The following PTPRN2 variants were observed in gnomAD, a reference collection of about 807,000 sequenced individuals.
PTPRN2 encodes protein tyrosine phosphatase receptor type N2, also known as receptor-type tyrosine-protein phosphatase N2.
Under a neutral mutation model 118.8 loss-of-function variants are expected in PTPRN2, and 74 were observed. The observed-to-expected ratio is 0.62, with a 90% CI of 0.52 to 0.76. PTPRN2 has a LOEUF of 0.76. PTPRN2 is among the 30% of genes least tolerant of loss of function. PTPRN2 has a pLI of 0.00. For synonymous variants in PTPRN2, 641 were observed against 608.0 expected, an observed-to-expected ratio of 1.05 and a Z score of -0.80; for missense variants, 1,481 against 1,394.4, an observed-to-expected ratio of 1.06 and a Z score of -0.99.
intron 3 of PTPRN2, among the ~76,000 whole-genome samples, chr7:158,292,086 A>C (rs1231310311): frequency 1.3e-5 from 2 of 152,210 alleles, no homozygotes; most frequent in Admixed American, 6.5e-5. Flanking sequence ...CATTCCATAC[A>C]GCCCGCAAAT....
chr7:158,428,931 A>C (rs1815962152), intron 2 of PTPRN2, among the ~76,000 whole-genome samples: 1 of 152,222 alleles, frequency 6.6e-6, no homozygotes, highest in Admixed American at 6.5e-5. Context: ...GTGCCGGGAC[A>C]GCCTTACTGC....
intron 17 of PTPRN2, among the ~76,000 whole-genome samples, chr7:157,592,256 C>T (rs1433875349): frequency 6.6e-6 from 1 of 152,198 alleles, no homozygotes; most frequent in African/African-American, 2.4e-5. Context: ...TTGCAACTAT[C>T]CATAATAAAC....
intron 2 of PTPRN2, among the ~76,000 whole-genome samples, chr7:158,462,951 C>T (rs1047977224): frequency 6.1e-5 from 4 of 65,164 alleles, no homozygotes; most frequent in Admixed American, 1.7e-4. Context: ...TTATTCAGCA[C>T]GAATAACTGG....
intron 9 of PTPRN2, among the ~76,000 whole-genome samples, chr7:158,132,107 TAC>T (rs892708128): frequency 3.0e-5 from 4 of 134,118 alleles, no homozygotes; most frequent in Admixed American, 7.7e-5. Flanking sequence ...TATGCACAGA[TAC>T]ACACACCTAT....
chr7:158,210,289 C>T (rs1050297887), intron 3 of PTPRN2, among the ~76,000 whole-genome samples: 1 of 151,836 alleles, frequency 6.6e-6, no homozygotes, highest in Admixed American at 6.6e-5. Flanking sequence ...GCGCCCGCTA[C>T]CACGCCTGGC....
At chr7:157,714,718 C>T (rs148014114) in intron 12 of PTPRN2, among the ~76,000 whole-genome samples, 3 of 152,058 alleles carry the variant, frequency 2.0e-5, no homozygotes, top group Non-Finnish European at 2.9e-5. Flanking sequence ...TCTCCTGAGC[C>T]GATTTTGGGT....
intron 1 of PTPRN2, among the ~76,000 whole-genome samples, chr7:158,519,267 C>G (rs1563384256): frequency 2.6e-5 from 4 of 152,184 alleles, no homozygotes; most frequent in African/African-American, 9.7e-5. Flanking sequence ...TGACACTGTC[C>G]TGCCAGCCAG....
intron 5 of PTPRN2, among the ~76,000 whole-genome samples, chr7:158,176,669 T>C (rs557585293): frequency 6.6e-6 from 1 of 152,184 alleles, no homozygotes; most frequent in Non-Finnish European, 1.5e-5. Flanking sequence ...AGGATGACGG[T>C]GGCCAGCATG....
At chr7:158,185,363 C>T (rs758883460) in intron 5 of PTPRN2, among the ~76,000 whole-genome samples, 26 of 152,120 alleles carry the variant, frequency 1.7e-4, no homozygotes, top group Non-Finnish European at 3.1e-4. Flanking sequence ...CATCACTTAG[C>T]TTAGACTGGT....
At chr7:158,027,208 GGT>G (rs1807343599) in intron 11 of PTPRN2, among the ~76,000 whole-genome samples, 3 of 152,318 alleles carry the variant, frequency 2.0e-5, no homozygotes, top group African/African-American at 2.4e-5. Context: ...TCCTTCCACA[GGT>G]ACGTGAAAGG....
intron 11 of PTPRN2, among the ~76,000 whole-genome samples, chr7:158,050,477 T>C (rs1809240981): frequency 6.6e-6 from 1 of 152,226 alleles, no homozygotes. Flanking sequence ...TGGAAACTCC[T>C]CCTGCTGTTC....
chr7:158,091,187 T>C (rs993775310), intron 10 of PTPRN2, among the ~76,000 whole-genome samples: 11 of 152,254 alleles, frequency 7.2e-5, no homozygotes, highest in African/African-American at 2.7e-4. Context: ...TGTAACACAT[T>C]TGACTACAGT....
rs1438627826 is a variant in PTPRN2, at chr7:157,801,065, A to ATG, written c.1788+97607_1788+97608insCA. On this transcript the variant is annotated intron_variant, in intron 12 of 22. Coordinates refer to ENST00000389418, the MANE Select transcript of PTPRN2 (RefSeq NM_002847.5). This position sits in a 1 kb window ranked among gnomAD's most constrained non-coding sequence, Gnocchi z 4.2. ...TATACACATATATACACATATATATACACATATATATACACACACACACAC... is the reference window on the plus strand; with the variant it reads ...TATACACATATATACACATATATATATGCACATATATATACACACACACACAC... Among the ~76,000 whole-genome samples, 4 of 149,198 alleles carry ATG rather than the reference A, an allele frequency of 2.7e-5. No individual in the cohort carries two copies. The highest frequency in any genetic ancestry group is 9.9e-5 in the African/African-American group (4 of 40,602).
intron 5 of PTPRN2, among the ~76,000 whole-genome samples, chr7:158,188,391 C>CCT (rs1563577203): frequency 0.014 from 528 of 37,064 alleles, 114 homozygotes; most frequent in African/African-American, 0.027. Flanking sequence ...GCTCGCCCCG[C>CCT]GATGGGGAAG....
At chr7:157,992,664 G>C (rs774911969) in intron 11 of PTPRN2, among the ~76,000 whole-genome samples, 53 of 152,340 alleles carry the variant, frequency 3.5e-4, no homozygotes, top group Middle Eastern at 3.4e-3. Context: ...GGAGGGGTTG[G>C]GGTGGCCCAA....
intron 2 of PTPRN2, among the ~76,000 whole-genome samples, chr7:158,415,621 G>A (rs936046107): frequency 6.6e-6 from 1 of 152,088 alleles, no homozygotes; most frequent in Admixed American, 6.5e-5. Context: ...CATATACCAC[G>A]GGCCCCGCCT....
In PTPRN2 at chr7:157,587,045, C is replaced by CAGT. The variant is rs1563236291; in HGVS notation, c.2496+8190_2496+8192dup. Among the ~76,000 whole-genome samples, 1 of 152,154 alleles carries CAGT rather than the reference C, an allele frequency of 6.6e-6. No individual in the cohort carries two copies. Among genetic ancestry groups the CAGT allele is most frequent in the African/African-American group, 2.4e-5 (1 of 41,426 alleles). ...GCTGATCAAGGAAGCTGCCCAGAGACAGTGCATGGTGTGGAATCCAGGCCT... is the reference window on the plus strand; with the variant it reads ...GCTGATCAAGGAAGCTGCCCAGAGACAGTAGTGCATGGTGTGGAATCCAGGCCT... On this transcript the variant is annotated intron_variant, in intron 17 of 22. Coordinates refer to ENST00000389418, the MANE Select transcript of PTPRN2 (RefSeq NM_002847.5). The surrounding 1 kb of genome is among the most constrained non-coding windows in gnomAD (Gnocchi z 5.3).
At chr7:158,151,802 G>C (rs759345300) in intron 6 of PTPRN2, among the ~76,000 whole-genome samples, 1 of 152,102 alleles carries the variant, frequency 6.6e-6, no homozygotes, top group African/African-American at 2.4e-5. Flanking sequence ...CTTTGAAGGC[G>C]CAGAGATAAA....
chr7:158,293,089 C>T (rs1800227469), intron 3 of PTPRN2, among the ~76,000 whole-genome samples: 1 of 151,842 alleles, frequency 6.6e-6, no homozygotes, highest in Non-Finnish European at 1.5e-5. Flanking sequence ...TAAAATGGTG[C>T]AGCTATATAG....
Sources: allele counts gnomAD v4.1 joint callset (sites outside exome capture counted in the v4.1 genomes callset), GRCh38; gene constraint gnomAD v4.1.1; non-coding constraint Gnocchi (gnomAD v3.1); transcripts MANE v1.5; gene names NCBI Gene and HGNC (gene_info 2026-07-23, HGNC 2026-07-21).